Variants in EVI5L observed in about 807,000 individuals in gnomAD.
The protein encoded by EVI5L is ecotropic viral integration site 5 like, also known as EVI5-like protein.
In EVI5L, 30 loss-of-function variants were observed where a neutral mutation model predicts 106.1. The ratio of observed to expected loss-of-function variants is 0.28; its 90% CI spans 0.21 to 0.38. EVI5L has a LOEUF of 0.38. EVI5L is among the 10% of genes least tolerant of loss of function. The pLI is 1.00. For missense variants in EVI5L, 809 were observed against 1,098.0 expected (o/e 0.74, Z 3.72); for synonymous variants, 489 against 483.3 (o/e 1.01, Z -0.15).
rs547911715 is a variant in EVI5L, at chr19:7,845,072, G to C, written c.-47-1424G>C. On this transcript the variant is annotated intron_variant, in intron 1 of 19. Coordinates refer to ENST00000538904, the MANE Select transcript of EVI5L (RefSeq NM_001159944.3). This position sits in a 1 kb window ranked among gnomAD's most constrained non-coding sequence, Gnocchi z 4.0. ...TGTCCCCCTGCTGCCTGGGGATCCAGATATCCCCACTCCAAGGACCCAGCG... is the reference window on the plus strand; with the variant it reads ...TGTCCCCCTGCTGCCTGGGGATCCACATATCCCCACTCCAAGGACCCAGCG... 5.3e-5 allele frequency among the ~76,000 whole-genome samples: 8 copies of C among 152,202 alleles called. No individual in the cohort carries two copies. Among genetic ancestry groups the C allele is most frequent in the Admixed American group, 2.0e-4 (3 of 15,294 alleles).
chr19:7,833,360 A>G (rs1316599513), intron 1 of EVI5L, among the ~76,000 whole-genome samples: 2 of 152,238 alleles, frequency 1.3e-5, no homozygotes, highest in Admixed American at 1.3e-4. Flanking sequence ...GCTCAGCACC[A>G]TGCCAAGCAC....
chr19:7,847,703 G>A lies in EVI5L; in HGVS notation c.138-29G>A, dbSNP rs528561163. ...GATCCCTGTCCCCAGGGAGTCACTGGTTCCCCTCTGTCGGCCCTTCCTGCC... is the reference window on the plus strand; with the variant it reads ...GATCCCTGTCCCCAGGGAGTCACTGATTCCCCTCTGTCGGCCCTTCCTGCC... On this transcript the variant is annotated intron_variant, in intron 2 of 19. Transcript: ENST00000538904. 3.2e-5 allele frequency: 52 copies of A among 1,602,490 alleles called. 2 individuals are homozygous for A. The South Asian group carries it at 5.7e-4, about 17-fold the overall frequency.
intron 1 of EVI5L, among the ~76,000 whole-genome samples, chr19:7,839,642 G>C (rs1317101930): frequency 6.6e-6 from 1 of 152,046 alleles, no homozygotes; most frequent in Non-Finnish European, 1.5e-5. Context: ...CAGCAGCTTT[G>C]GTGGGGCACG....
intron 10 of EVI5L, chr19:7,853,558 C>T (rs1031144417): frequency 1.6e-6 from 1 of 616,302 alleles, no homozygotes; most frequent in Non-Finnish European, 2.8e-6. Context: ...AGTCAAGGTC[C>T]CTGCCCCGCT....
chr19:7,843,182 T>C (rs1027405738), intron 1 of EVI5L, among the ~76,000 whole-genome samples: 12 of 148,990 alleles, frequency 8.1e-5, no homozygotes, highest in Non-Finnish European at 1.8e-4. Flanking sequence ...GTTGAGTATG[T>C]GCATGTGTGT....
At chr19:7,836,957 T>C (rs1978367668) in intron 1 of EVI5L, among the ~76,000 whole-genome samples, 2 of 151,710 alleles carry the variant, frequency 1.3e-5, no homozygotes, top group Non-Finnish European at 2.9e-5. Context: ...TAAAATAGAC[T>C]TGGGCTGAGG....
At position 7,856,792 on chromosome 19, in the gene EVI5L, G is replaced by T. The variant is rs987566681; in HGVS notation, c.1201-300G>T. On this transcript the variant is annotated intron_variant, in intron 11 of 19. Transcript: ENST00000538904. The surrounding 1 kb of genome is among the most constrained non-coding windows in gnomAD (Gnocchi z 6.6). ...CAGTTTTTCCAGCCAGCAGCGGCCC[G>T]GCTGACCCTGGAGGGTGGGACAGTG... Among the ~76,000 whole-genome samples the T allele has an allele frequency of 1.3e-5, 2 of 152,104 alleles. No homozygotes were observed. The highest frequency in any genetic ancestry group is 4.8e-5 in the African/African-American group (2 of 41,406).
In EVI5L at chr19:7,851,728, C is replaced by T; in HGVS notation, c.945C>T (p.Asn315=). 1 of 1,538,854 alleles carries T rather than the reference C, an allele frequency of 6.5e-7. No individual in the cohort carries two copies. The highest frequency in any genetic ancestry group is 8.7e-7 in the Non-Finnish European group (1 of 1,145,970). The change falls in exon 8 of 20, where the codon AAC becomes AAT. Residue 315 remains asparagine, a synonymous_variant. Transcript: ENST00000538904. ...TGGGCCTCGCCCTGCTGCAGGTGAACCAGGCAGAGCTGATGCAGCTGGACA... is the reference window on the plus strand; with the variant it reads ...TGGGCCTCGCCCTGCTGCAGGTGAATCAGGCAGAGCTGATGCAGCTGGACA... ...FRVGLALLQV[N]QAELMQLDME... is the part of the protein sequence containing the mutation.
At chr19:7,860,532 G>A (rs1979748276) in intron 13 of EVI5L, 29 bp from the exon 14 acceptor site, 1 of 1,550,716 alleles carries the variant, frequency 6.4e-7, no homozygotes, top group Non-Finnish European at 8.7e-7. Flanking sequence ...CATGGCCTGG[G>A]GCCCCACGCA....
chr19:7,848,495 G>T lies in EVI5L; in HGVS notation c.328-426G>T, dbSNP rs1979070244. Among the ~76,000 whole-genome samples, 1 of 152,082 alleles carries T rather than the reference G, an allele frequency of 6.6e-6. No homozygotes were observed. Among genetic ancestry groups the T allele is most frequent in the Non-Finnish European group, 1.5e-5 (1 of 68,036 alleles). ...ACCTGTAATCCCAGCTACTTGGGAGGCTGAGGCAGGAGAATCACTTGAACC... is the reference window on the plus strand; with the variant it reads ...ACCTGTAATCCCAGCTACTTGGGAGTCTGAGGCAGGAGAATCACTTGAACC... On this transcript the variant is annotated intron_variant, in intron 3 of 19. Transcript: ENST00000538904. This position sits in a 1 kb window ranked among gnomAD's most constrained non-coding sequence, Gnocchi z 4.8.
Position 7,863,819 on chromosome 19 carries a change from C to T in EVI5L, c.*117C>T, listed in dbSNP as rs1979985793. ...AAACTACGCGCCCTCTGTGGCTCGG[C>T]CACCCCTAAAGCGAGGCCCGGCGAG... On this transcript the variant is annotated 3_prime_UTR_variant, in exon 20 of 20. Coordinates refer to ENST00000538904, the MANE Select transcript of EVI5L (RefSeq NM_001159944.3). The surrounding 1 kb of genome is among the most constrained non-coding windows in gnomAD (Gnocchi z 7.7). The T allele has an allele frequency of 7.3e-7, 1 of 1,364,160 alleles. No individual in the cohort carries two copies. Among genetic ancestry groups the T allele is most frequent in the Admixed American group, 3.1e-5 (1 of 32,498 alleles). 84.5% of individuals were successfully genotyped at this position (1,364,160 alleles called of 1,614,324 possible).
intron 1 of EVI5L, among the ~76,000 whole-genome samples, chr19:7,842,370 G>GTGTGAATGTGTGTATCAAGTGCA (rs1978650595): frequency 2.2e-5 from 3 of 134,806 alleles, no homozygotes; most frequent in Non-Finnish European, 3.3e-5. Flanking sequence ...TATCAAGTGC[G>GTGTGAATGTGTGTATCAAGTGCA]TGCATGTGTG....
intron 1 of EVI5L, among the ~76,000 whole-genome samples, chr19:7,842,801 T>C (rs564995341): frequency 1.3e-4 from 20 of 151,782 alleles, no homozygotes; most frequent in African/African-American, 4.8e-4. Context: ...CATAAGCATG[T>C]GTATATCGAG....
chr19:7,858,372 C>T lies in EVI5L; in HGVS notation c.1374+41C>T, dbSNP rs2078347115. On this transcript the variant is annotated intron_variant, in intron 13 of 19. Coordinates refer to ENST00000538904, the MANE Select transcript of EVI5L (RefSeq NM_001159944.3). This position sits in a 1 kb window ranked among gnomAD's most constrained non-coding sequence, Gnocchi z 5.7. The stretch of plus-strand genomic sequence containing the variant: ...CGGGGCTGCTGGGCGGGGCCATGAC[C>T]CGCGCCCCCGCCCCCGCCCAACGGT... 2.0e-6 allele frequency: 3 copies of T among 1,512,758 alleles called. No individual in the cohort carries two copies. Among genetic ancestry groups the T allele is most frequent in the South Asian group, 1.2e-5 (1 of 80,436 alleles). 93.7% of individuals were successfully genotyped at this position (1,512,758 alleles called of 1,614,324 possible).
At chr19:7,832,881 T>C (rs929613842) in intron 1 of EVI5L, among the ~76,000 whole-genome samples, 2 of 152,054 alleles carry the variant, frequency 1.3e-5, no homozygotes, top group Non-Finnish European at 2.9e-5. Flanking sequence ...ATGCCCCACA[T>C]AGACCTCTGA....
In EVI5L at chr19:7,849,187, G is replaced by A. The variant is rs1483214211; in HGVS notation, c.552+42G>A. The A allele has an allele frequency of 2.5e-6, 4 of 1,612,758 alleles. No individual in the cohort carries two copies. The South Asian group carries it at 4.4e-5, about 18-fold the overall frequency. ...CCCGCTCCCTCGGTCCCAAAGGAAGGAGAAGTTCCCCAGTTCACCGGCTGT... is the reference window on the plus strand; with the variant it reads ...CCCGCTCCCTCGGTCCCAAAGGAAGAAGAAGTTCCCCAGTTCACCGGCTGT... On this transcript the variant is annotated intron_variant, in intron 4 of 19. Transcript: ENST00000538904.
chr19:7,841,920 A>T (rs1476738573), intron 1 of EVI5L, among the ~76,000 whole-genome samples: 2 of 152,224 alleles, frequency 1.3e-5, no homozygotes, highest in African/African-American at 2.4e-5. Flanking sequence ...GGTCGCCCAC[A>T]GAATCAGGAC....
intron 1 of EVI5L, among the ~76,000 whole-genome samples, chr19:7,843,988 C>T (rs887048994): frequency 6.6e-6 from 1 of 152,050 alleles, no homozygotes; most frequent in Admixed American, 6.6e-5. Context: ...AATACACACA[C>T]ATTCGTGATA....
intron 10 of EVI5L, among the ~76,000 whole-genome samples, chr19:7,855,682 T>G (rs478783): frequency 0.73 from 110,908 of 152,094 alleles, 40,936 homozygotes; most frequent in South Asian, 0.84. Flanking sequence ...GCACAACCCT[T>G]GGCAGACTGA....
Sources: allele counts gnomAD v4.1 joint callset (sites outside exome capture counted in the v4.1 genomes callset), GRCh38; gene constraint gnomAD v4.1.1; non-coding constraint Gnocchi (gnomAD v3.1); transcripts MANE v1.5; gene names NCBI Gene and HGNC (gene_info 2026-07-23, HGNC 2026-07-21).